Variants in BAZ2B observed in about 807,000 individuals in gnomAD.
BAZ2B encodes bromodomain adjacent to zinc finger domain 2B.
BAZ2B carries 91 observed loss-of-function variants against 246.0 expected under a neutral mutation model. That is an observed-to-expected ratio of 0.37 (90% CI 0.31 to 0.44). BAZ2B has a LOEUF of 0.44. Among genes scored for constraint, BAZ2B ranks in the 20% least tolerant of loss-of-function variants. The probability of loss-of-function intolerance (pLI) is 1.00; values close to 1 mark genes in which losing one functional copy is unlikely to be tolerated. For synonymous variants in BAZ2B, 855 were observed against 860.0 expected (o/e 0.99, Z 0.10); for missense variants, 2,332 against 2,533.7 (o/e 0.92, Z 1.71).
intron 2 of BAZ2B, among the ~76,000 whole-genome samples, chr2:159,500,911 G>A (rs572345161): frequency 1.2e-3 from 181 of 149,182 alleles, no homozygotes; most frequent in African/African-American, 4.2e-3. Flanking sequence ...CTGAGATTGC[G>A]CCACTGCACT....
chr2:159,663,054 CA>C, the BAZ2B span, among the ~76,000 whole-genome samples: 2 of 152,012 alleles, frequency 1.3e-5, no homozygotes, highest in Non-Finnish European at 2.9e-5. Context: ...ATTCAAGATA[CA>C]AGTTTCTTAT....
chr2:159,553,073 CAGTT>C (rs1305261849), intron 2 of BAZ2B, among the ~76,000 whole-genome samples: 1 of 152,048 alleles, frequency 6.6e-6, no homozygotes, highest in Non-Finnish European at 1.5e-5. Context: ...GTAGAGTGTA[CAGTT>C]CTTATTCTTG....
the BAZ2B span, among the ~76,000 whole-genome samples, chr2:159,665,957 G>T: frequency 6.6e-6 from 1 of 152,130 alleles, no homozygotes; most frequent in African/African-American, 2.4e-5. Flanking sequence ...GCATTTCCCT[G>T]TTGACTAATG....
rs557220342 is a variant in BAZ2B, at chr2:159,389,052, C to G, written c.3216+293G>C. On this transcript the variant is annotated intron_variant, in intron 21 of 36. Coordinates refer to ENST00000392783, the MANE Select transcript of BAZ2B (RefSeq NM_013450.4). ...AGTGAGCTATAATCCTGCCACTGCC[C>G]TCTCTCCAGCCTAAATGACAGAGTA... Among the ~76,000 whole-genome samples the G allele has an allele frequency of 2.6e-5, 4 of 152,126 alleles. No homozygotes were observed. In the South Asian group the frequency reaches 8.3e-4, roughly 32 times the overall value.
At chr2:159,514,807 G>A (rs976427709) in intron 2 of BAZ2B, among the ~76,000 whole-genome samples, 1 of 152,028 alleles carries the variant, frequency 6.6e-6, no homozygotes, top group African/African-American at 2.4e-5. Context: ...TTTGCATATA[G>A]TAAGTATTCA....
At chr2:159,583,707 T>C (rs189389089) in intron 1 of BAZ2B, among the ~76,000 whole-genome samples, 2 of 151,986 alleles carry the variant, frequency 1.3e-5, no homozygotes, top group African/African-American at 4.8e-5. Context: ...AAAATATAAA[T>C]AAAAAAACAT....
intron 2 of BAZ2B, among the ~76,000 whole-genome samples, chr2:159,494,107 A>T (rs1014876389): frequency 6.6e-6 from 1 of 152,164 alleles, no homozygotes; most frequent in East Asian, 1.9e-4. Flanking sequence ...ATTACTAGGT[A>T]GGCAAAGCAA....
chr2:159,573,245 C>T (rs1167574444), intron 1 of BAZ2B, among the ~76,000 whole-genome samples: 2 of 152,176 alleles, frequency 1.3e-5, no homozygotes, highest in African/African-American at 4.8e-5. Context: ...AAGGCTCACA[C>T]TTTCTGATTT....
the BAZ2B span, among the ~76,000 whole-genome samples, chr2:159,692,434 A>G: frequency 6.6e-6 from 1 of 152,318 alleles, no homozygotes; most frequent in East Asian, 1.9e-4. Flanking sequence ...CTGGGATTAC[A>G]GGCATGAGCC....
chr2:159,675,972 T>C, the BAZ2B span, among the ~76,000 whole-genome samples: 1 of 152,214 alleles, frequency 6.6e-6, no homozygotes, highest in African/African-American at 2.4e-5. Flanking sequence ...CTAGGCTCAC[T>C]GCAACCTCCA....
the BAZ2B span, among the ~76,000 whole-genome samples, chr2:159,677,530 A>G: frequency 5.3e-5 from 8 of 152,160 alleles, no homozygotes; most frequent in African/African-American, 1.9e-4. Context: ...AAAACCCAGG[A>G]GAAAAAAATT....
At chr2:159,380,563 G>A (rs1432767078) in intron 25 of BAZ2B, among the ~76,000 whole-genome samples, 1 of 152,164 alleles carries the variant, frequency 6.6e-6, no homozygotes, top group Non-Finnish European at 1.5e-5. Flanking sequence ...CTTCTTACAA[G>A]GTTGGTCCTT....
chr2:159,384,244 G>A (rs1407841732), intron 23 of BAZ2B, among the ~76,000 whole-genome samples: 1 of 151,992 alleles, frequency 6.6e-6, no homozygotes, highest in Non-Finnish European at 1.5e-5. Context: ...GGGTGTATGT[G>A]TTTTGAATAA....
chr2:159,377,950 A>G (rs2061597857), intron 25 of BAZ2B, among the ~76,000 whole-genome samples: 2 of 152,248 alleles, frequency 1.3e-5, no homozygotes, highest in Admixed American at 1.3e-4. Flanking sequence ...AAAAGAAACC[A>G]AGTGAAACAA....
Position 159,462,204 on chromosome 2 carries a change from T to C in BAZ2B, c.146-8403A>G. ...ACTTGGATATAGCAATAACAGAAAA[T>C]TACAAAGCAGAGAACACAAAAGAAT... On this transcript the variant is annotated intron_variant, in intron 3 of 36. Transcript: ENST00000392783. 1.1e-5 allele frequency: 5 copies of C among 448,000 alleles called. No individual in the cohort carries two copies. In the South Asian group the frequency reaches 1.4e-4, roughly 13 times the overall value. The allele number at this position is 448,000 out of a possible 1,614,324, so 27.8% of individuals were successfully genotyped here.
chr2:159,484,266 T>C (rs35745662), intron 2 of BAZ2B, among the ~76,000 whole-genome samples: 14,052 of 152,296 alleles, frequency 0.092, 842 homozygotes, highest in South Asian at 0.19. Flanking sequence ...TTAATAGTAA[T>C]TCTATATAAC....
chr2:159,446,547 G>C (rs913756084), intron 6 of BAZ2B, among the ~76,000 whole-genome samples: 1 of 152,116 alleles, frequency 6.6e-6, no homozygotes, highest in African/African-American at 2.4e-5. Context: ...AGAGTTAAAA[G>C]TTATATGAAA....
intron 1 of BAZ2B, among the ~76,000 whole-genome samples, chr2:159,564,153 T>C (rs970292213): frequency 2.0e-5 from 3 of 152,128 alleles, no homozygotes; most frequent in Non-Finnish European, 4.4e-5. Context: ...GAGAAGATAA[T>C]TACCCTGAGA....
At chr2:159,456,141 C>T (rs1187578128) in intron 3 of BAZ2B, among the ~76,000 whole-genome samples, 2 of 151,620 alleles carry the variant, frequency 1.3e-5, no homozygotes, top group Non-Finnish European at 2.9e-5. Context: ...CTCAAAATTA[C>T]AAAAGCTATA....
Sources: gnomAD v4.1 joint callset for allele counts (sites outside exome capture counted in the v4.1 genomes callset) on GRCh38, gnomAD v4.1.1 for gene constraint, MANE v1.5 for transcripts, NCBI Gene and HGNC (gene_info 2026-07-23, HGNC 2026-07-21) for gene names.